TTLL11: variants seen among roughly 807,000 people sequenced by gnomAD.
The protein encoded by TTLL11 is tubulin polyglutamylase TTLL11.
In TTLL11, 42 loss-of-function variants were observed where a neutral mutation model predicts 51.7. The observed-to-expected ratio is 0.81, with a 90% CI of 0.64 to 1.05. The LOEUF (loss-of-function observed/expected upper bound fraction) is 1.05. Ranked by LOEUF, TTLL11 falls within the 50% of genes least tolerant of loss-of-function variation. TTLL11 has a pLI of 0.00. For synonymous variants in TTLL11, 381 were observed against 383.5 expected, an observed-to-expected ratio of 0.99 and a Z score of 0.08; for missense variants, 799 against 940.4, an observed-to-expected ratio of 0.85 and a Z score of 1.97.
At chr9:122,049,179 A>G (rs746735150) in intron 1 of TTLL11, among the ~76,000 whole-genome samples, 4 of 152,246 alleles carry the variant, frequency 2.6e-5, no homozygotes, top group Admixed American at 1.3e-4. Flanking sequence ...ACATGTCATC[A>G]TCATCACCAC....
intron 3 of TTLL11, among the ~76,000 whole-genome samples, chr9:122,015,612 T>C (rs1336523586): frequency 6.6e-6 from 1 of 152,004 alleles, no homozygotes; most frequent in Admixed American, 6.6e-5. Context: ...GAGGGCGATG[T>C]GTGTGGCTGA....
At chr9:121,867,960 CAT>C (rs1169665618) in intron 7 of TTLL11, among the ~76,000 whole-genome samples, 1 of 152,084 alleles carries the variant, frequency 6.6e-6, no homozygotes, top group East Asian at 1.9e-4. Flanking sequence ...TCCTTTATAG[CAT>C]AACTTTGAGA....
chr9:121,838,781 A>AAAGTAAGCAAGCAAGC (rs766666859), intron 8 of TTLL11, among the ~76,000 whole-genome samples: 1 of 139,898 alleles, frequency 7.1e-6, no homozygotes, highest in South Asian at 2.3e-4. Flanking sequence ...AGCAAGCAAG[A>AAAGTAAGCAAGCAAGC]AAGCAAGCAA....
chr9:121,838,762 A>AAGAAAGAG, intron 8 of TTLL11, among the ~76,000 whole-genome samples: 1 of 143,312 alleles, frequency 7.0e-6, no homozygotes, highest in African/African-American at 2.9e-5. Flanking sequence ...GAAAGAGAGA[A>AAGAAAGAG]AGCAAGCAAG....
intron 3 of TTLL11, among the ~76,000 whole-genome samples, chr9:122,000,944 G>A (rs56073442): frequency 0.047 from 7,129 of 152,130 alleles, 198 homozygotes; most frequent in African/African-American, 0.087. Context: ...ACCATTTATG[G>A]GCACCTATAA....
intron 4 of TTLL11, among the ~76,000 whole-genome samples, chr9:121,985,387 G>A (rs752598150): frequency 1.2e-4 from 18 of 152,174 alleles, no homozygotes; most frequent in South Asian, 2.1e-4. Flanking sequence ...GAACCTAACC[G>A]GGTCCCTTAA....
Position 121,893,350 on chromosome 9 carries a change from A to ATG in TTLL11, c.1482-22604_1482-22603dup, listed in dbSNP as rs57931102. 3.4e-3 allele frequency among the ~76,000 whole-genome samples: 508 copies of ATG among 149,816 alleles called. 1 individual carries two copies. The highest frequency in any genetic ancestry group is 8.0e-3 in the African/African-American group (327 of 40,842). ...TCTCTAGCCTTCTCCATGCATGCAT[A>ATG]TGTGTGTGTGTGTGTGTGTGAGGGG... On this transcript the variant is annotated intron_variant, in intron 6 of 8. Transcript: ENST00000321582.
At chr9:122,088,430 G>A (rs781707936) in intron 1 of TTLL11, among the ~76,000 whole-genome samples, 16 of 152,194 alleles carry the variant, frequency 1.1e-4, no homozygotes, top group Non-Finnish European at 2.4e-4. Context: ...TTTACCAATA[G>A]AGAGCACAGA....
intron 1 of TTLL11, among the ~76,000 whole-genome samples, chr9:122,043,908 G>A (rs893972781): frequency 2.0e-5 from 3 of 151,898 alleles, no homozygotes; most frequent in Non-Finnish European, 4.4e-5. Flanking sequence ...TGCACAACGT[G>A]CAGGTTTGTT....
intron 6 of TTLL11, among the ~76,000 whole-genome samples, chr9:121,883,535 A>AT (rs1838879602): frequency 6.6e-6 from 1 of 152,280 alleles, no homozygotes; most frequent in South Asian, 2.1e-4. Flanking sequence ...TCAAGATTAG[A>AT]TTTTTTAAAG....
intron 6 of TTLL11, among the ~76,000 whole-genome samples, chr9:121,906,938 T>C (rs938711915): frequency 6.6e-6 from 1 of 152,070 alleles, no homozygotes; most frequent in African/African-American, 2.4e-5. Context: ...CCGGGCACGG[T>C]GGCTCATGTC....
intron 3 of TTLL11, among the ~76,000 whole-genome samples, chr9:122,000,463 C>A (rs1233982764): frequency 8.1e-6 from 1 of 122,840 alleles, no homozygotes; most frequent in African/African-American, 3.3e-5. Context: ...CAGAGTGAGA[C>A]TCCGTCGCAA....
chr9:121,932,649 C>T (rs1841034155), intron 6 of TTLL11, among the ~76,000 whole-genome samples: 1 of 152,166 alleles, frequency 6.6e-6, no homozygotes, highest in Non-Finnish European at 1.5e-5. Context: ...TCTTGTCAAA[C>T]CTTTCATAGT....
At chr9:121,842,167 T>C (rs750429278) in intron 8 of TTLL11, among the ~76,000 whole-genome samples, 15 of 152,172 alleles carry the variant, frequency 9.9e-5, no homozygotes, top group Non-Finnish European at 2.1e-4. Flanking sequence ...TCGGTGCTTC[T>C]TCCAATACTT....
rs1406060707 is a variant in TTLL11, at chr9:121,853,760, T to G, written c.1840+6577A>C. The stretch of plus-strand genomic sequence containing the variant: ...TGTCCCCACTGTCGCCAGGGTGGGA[T>G]GAGGAGGGCCTGGCACTCTGTCAGC... On this transcript the variant is annotated intron_variant, in intron 8 of 8. Coordinates refer to ENST00000321582, the MANE Select transcript of TTLL11 (RefSeq NM_001139442.2). The surrounding 1 kb of genome is among the most constrained non-coding windows in gnomAD (Gnocchi z 5.6). Among the ~76,000 whole-genome samples the G allele has an allele frequency of 6.6e-6, 1 of 152,140 alleles. No individual in the cohort carries two copies. Among genetic ancestry groups the G allele is most frequent in the Non-Finnish European group, 1.5e-5 (1 of 68,016 alleles).
At position 121,818,851 on chromosome 9, in the gene TTLL11, T is replaced by G. The variant is rs1225713066; in HGVS notation, c.*3736A>C. On this transcript the variant is annotated 3_prime_UTR_variant, in exon 9 of 9. Coordinates refer to ENST00000321582, the MANE Select transcript of TTLL11 (RefSeq NM_001139442.2). ...CTGGTCCTGAGGTGCAGGGGTCAGGTGCGGGCCTTAGGATGGAAAGAAGGG... is the reference window on the plus strand; with the variant it reads ...CTGGTCCTGAGGTGCAGGGGTCAGGGGCGGGCCTTAGGATGGAAAGAAGGG... The G allele has an allele frequency of 6.6e-6, 1 of 152,554 alleles. No individual in the cohort carries two copies. The highest frequency in any genetic ancestry group is 1.5e-5 in the Non-Finnish European group (1 of 68,434). 9.5% of individuals were successfully genotyped at this position (152,554 alleles called of 1,614,324 possible). A position where few individuals can be genotyped will look rare whatever the true frequency, so the allele number is the denominator to read the frequency against.
At chr9:121,835,260 C>A (rs1837151689) in intron 8 of TTLL11, among the ~76,000 whole-genome samples, 1 of 152,280 alleles carries the variant, frequency 6.6e-6, no homozygotes, top group East Asian at 1.9e-4. Context: ...CTACTGCCAC[C>A]CTAAGAGACT....
chr9:121,920,269 C>CTCCA (rs1477616215), intron 6 of TTLL11, among the ~76,000 whole-genome samples: 1 of 152,224 alleles, frequency 6.6e-6, no homozygotes, highest in Admixed American at 6.5e-5. Context: ...CACGACTGCA[C>CTCCA]TCCAGCCTGG....
intron 6 of TTLL11, among the ~76,000 whole-genome samples, chr9:121,939,233 G>T (rs891131070): frequency 6.6e-6 from 1 of 152,014 alleles, no homozygotes. Flanking sequence ...TTTATTGAGG[G>T]AAATATTAAA....
Sources: allele counts gnomAD v4.1 joint callset (sites outside exome capture counted in the v4.1 genomes callset), GRCh38; gene constraint gnomAD v4.1.1; non-coding constraint Gnocchi (gnomAD v3.1); transcripts MANE v1.5; gene names NCBI Gene and HGNC (gene_info 2026-07-23, HGNC 2026-07-21).